SPTBN1: variants seen among roughly 807,000 people sequenced by gnomAD.
The protein encoded by SPTBN1 is spectrin beta, non-erythrocytic 1.
In SPTBN1, 32 loss-of-function variants were observed where a neutral mutation model predicts 266.4. The observed-to-expected ratio is 0.12, with a 90% CI of 0.09 to 0.16. SPTBN1 has a LOEUF of 0.16. Ranked by LOEUF, SPTBN1 falls within the 10% of genes least tolerant of loss-of-function variation. The probability of loss-of-function intolerance (pLI) is 1.00; values close to 1 mark genes in which losing one functional copy is unlikely to be tolerated. For missense variants in SPTBN1, 2,296 were observed against 3,067.1 expected (o/e 0.75, Z 5.94); for synonymous variants, 1,336 against 1,162.2 (o/e 1.15, Z -3.04).
intron 2 of SPTBN1, among the ~76,000 whole-genome samples, chr2:54,550,285 G>T (rs979330077): frequency 1.3e-5 from 2 of 152,228 alleles, no homozygotes; most frequent in Non-Finnish European, 2.9e-5. Flanking sequence ...GCTGTGCCCA[G>T]CGAGTGGCTG....
At chr2:54,627,067 G>A (rs2103906972) in intron 12 of SPTBN1, among the ~76,000 whole-genome samples, 1 of 150,312 alleles carries the variant, frequency 6.7e-6, no homozygotes, top group East Asian at 2.0e-4. Context: ...TCAGCACGCT[G>A]TGTTCCCAAG....
chr2:54,561,206 A>G (rs1228780048), intron 2 of SPTBN1, among the ~76,000 whole-genome samples: 1 of 152,196 alleles, frequency 6.6e-6, no homozygotes, highest in Non-Finnish European at 1.5e-5. Flanking sequence ...GTGCAGTGGC[A>G]CAATCACGAC....
chr2:54,464,159 A>C (rs761960273), intron 1 of SPTBN1, among the ~76,000 whole-genome samples: 1 of 152,234 alleles, frequency 6.6e-6, no homozygotes, highest in African/African-American at 2.4e-5. Context: ...TTAAATGCTT[A>C]TACCTCTTGA....
At chr2:54,619,160 C>G (rs1199370308) in intron 7 of SPTBN1, among the ~76,000 whole-genome samples, 2 of 152,124 alleles carry the variant, frequency 1.3e-5, no homozygotes, top group Non-Finnish European at 2.9e-5. Flanking sequence ...GTTTAACTCC[C>G]CAAAGGCAGA....
rs1558441608 is a variant in SPTBN1 at position 54,626,286 on chromosome 2, C to A, written c.1644+52C>A. The A allele has an allele frequency of 1.3e-6, 2 of 1,556,460 alleles. No individual in the cohort carries two copies. Among genetic ancestry groups the A allele is most frequent in the East Asian group, 2.3e-5 (1 of 43,322 alleles). On this transcript the variant is annotated intron_variant, in intron 12 of 35. Coordinates refer to ENST00000356805, the MANE Select transcript of SPTBN1 (RefSeq NM_003128.3). This position sits in a 1 kb window ranked among gnomAD's most constrained non-coding sequence, Gnocchi z 4.7. The stretch of plus-strand genomic sequence containing the variant: ...ACAGAGCTGATCCAACCAGGGCTCT[C>A]TTTTCTGTGACTCATTCACTAAACC...
intron 1 of SPTBN1, among the ~76,000 whole-genome samples, chr2:54,472,775 T>A (rs928188123): frequency 1.3e-5 from 2 of 152,186 alleles, no homozygotes; most frequent in African/African-American, 4.8e-5. Flanking sequence ...ATGACATTTT[T>A]AAAAATGCAG....
rs555979883 is a variant in SPTBN1 at position 54,662,830 on chromosome 2, G to A, written c.6421-1623G>A. 13 of 152,266 alleles carry A rather than the reference G, an allele frequency of 8.5e-5. No individual in the cohort carries two copies. In the East Asian group the frequency reaches 1.4e-3, roughly 16 times the overall value. 9.4% of individuals were successfully genotyped at this position (152,266 alleles called of 1,614,324 possible). The stretch of plus-strand genomic sequence containing the variant: ...TAAGTAGTCTGTTGCTCATAAGCAC[G>A]TGTCTGCAGTCTGTCACTTGCAAGG... On this transcript the variant is annotated intron_variant, in intron 32 of 35. Coordinates refer to ENST00000356805, the MANE Select transcript of SPTBN1 (RefSeq NM_003128.3).
chr2:54,664,759 C>G lies in SPTBN1; in HGVS notation c.6659+68C>G, dbSNP rs1681266738. On this transcript the variant is annotated intron_variant, in intron 33 of 35. Coordinates refer to ENST00000356805, the MANE Select transcript of SPTBN1 (RefSeq NM_003128.3). The surrounding 1 kb of genome is among the most constrained non-coding windows in gnomAD (Gnocchi z 5.6). ...CTGTGAAGGGATAAGGCGGGCCACTCTTGAATTGGAAGAGAAGTATGTGCT... is the reference window on the plus strand; with the variant it reads ...CTGTGAAGGGATAAGGCGGGCCACTGTTGAATTGGAAGAGAAGTATGTGCT... The G allele has an allele frequency of 2.0e-6, 3 of 1,485,560 alleles. No homozygotes were observed. Among genetic ancestry groups the G allele is most frequent in the Non-Finnish European group, 2.8e-6 (3 of 1,079,874 alleles). 92.0% of individuals were successfully genotyped at this position (1,485,560 alleles called of 1,614,324 possible). A position where few individuals can be genotyped will look rare whatever the true frequency, so the allele number is the denominator to read the frequency against.
Position 54,533,875 on chromosome 2 carries a change from A to G in SPTBN1, c.148+7309A>G, listed in dbSNP as rs954579391. Among the ~76,000 whole-genome samples, 1 of 150,076 alleles carries G rather than the reference A, an allele frequency of 6.7e-6. No homozygotes were observed. Among genetic ancestry groups the G allele is most frequent in the African/African-American group, 2.5e-5 (1 of 40,422 alleles). On this transcript the variant is annotated intron_variant, in intron 2 of 35. Transcript: ENST00000356805. This position sits in a 1 kb window ranked among gnomAD's most constrained non-coding sequence, Gnocchi z 4.2. Reference sequence around the variant, plus strand: ...CTGCTGTAGTAATTTAGGGGGAAAGATTGATCTCTCTCTCTGTCTCTCTCT... The same window carrying G: ...CTGCTGTAGTAATTTAGGGGGAAAGGTTGATCTCTCTCTCTGTCTCTCTCT...
chr2:54,521,483 C>T (rs990733562), intron 1 of SPTBN1, among the ~76,000 whole-genome samples: 5 of 152,210 alleles, frequency 3.3e-5, no homozygotes, highest in East Asian at 3.8e-4. Flanking sequence ...ATTCTGGACA[C>T]TTGAGTGAAA....
chr2:54,576,535 T>C (rs1674492611), intron 2 of SPTBN1, among the ~76,000 whole-genome samples: 1 of 152,162 alleles, frequency 6.6e-6, no homozygotes, highest in South Asian at 2.1e-4. Flanking sequence ...AACTGACAAA[T>C]CCTGGAAGGC....
At chr2:54,525,991 T>TA (rs1670791721) in intron 1 of SPTBN1, among the ~76,000 whole-genome samples, 2 of 152,158 alleles carry the variant, frequency 1.3e-5, no homozygotes, top group Admixed American at 6.5e-5. Flanking sequence ...CTCGGCCTCC[T>TA]AAAGTGCTGG....
chr2:54,660,732 C>T, intron 32 of SPTBN1: 1 of 985,362 alleles, frequency 1.0e-6, no homozygotes, highest in Non-Finnish European at 1.2e-6. Context: ...TCTGCCAAGT[C>T]CTGAATTGAA....
intron 34 of SPTBN1, among the ~76,000 whole-genome samples, chr2:54,666,976 C>G (rs1354041085): frequency 6.6e-6 from 1 of 152,174 alleles, no homozygotes; most frequent in Non-Finnish European, 1.5e-5. Flanking sequence ...CCTTTGTACT[C>G]CCTTCATGCA....
chr2:54,518,244 AATTG>A (rs1670225233), intron 1 of SPTBN1, among the ~76,000 whole-genome samples: 1 of 151,754 alleles, frequency 6.6e-6, no homozygotes, highest in South Asian at 2.1e-4. Flanking sequence ...CATAGGTGGG[AATTG>A]AACAGTGAGA....
At chr2:54,595,441 C>A (rs1480988101) in intron 2 of SPTBN1, among the ~76,000 whole-genome samples, 1 of 152,204 alleles carries the variant, frequency 6.6e-6, no homozygotes, top group African/African-American at 2.4e-5. Context: ...GCTGCGTCAG[C>A]TTCTTGGGGA....
At chr2:54,553,922 T>G (rs1326783284) in intron 2 of SPTBN1, among the ~76,000 whole-genome samples, 2 of 152,210 alleles carry the variant, frequency 1.3e-5, no homozygotes, top group Non-Finnish European at 2.9e-5. Context: ...AGGCTTAATC[T>G]TACCTTGCCA....
chr2:54,496,809 G>T (rs17045932), intron 1 of SPTBN1, among the ~76,000 whole-genome samples: 24,291 of 152,154 alleles, frequency 0.16, 4,398 homozygotes, highest in African/African-American at 0.45. Context: ...TGATGGGAGG[G>T]TCCATTTCTG....
At chr2:54,651,605 G>A (rs1680296307) in intron 26 of SPTBN1, among the ~76,000 whole-genome samples, 3 of 152,184 alleles carry the variant, frequency 2.0e-5, no homozygotes, top group Non-Finnish European at 4.4e-5. Context: ...GTCTTGAGTG[G>A]TTATGCAAAG....
Sources: gnomAD v4.1 joint callset for allele counts (sites outside exome capture counted in the v4.1 genomes callset) on GRCh38, gnomAD v4.1.1 for gene constraint, Gnocchi (gnomAD v3.1) non-coding constraint, MANE v1.5 for transcripts, NCBI Gene and HGNC (gene_info 2026-07-23, HGNC 2026-07-21) for gene names.